LOXHD1: variants seen among roughly 807,000 people sequenced by gnomAD.
The protein encoded by LOXHD1 is lipoxygenase homology domain-containing protein 1.
In LOXHD1, 205 loss-of-function variants were observed where a neutral mutation model predicts 248.2. That is an observed-to-expected ratio of 0.83 (90% CI 0.74 to 0.93). The LOEUF is 0.93. Ranked by LOEUF, LOXHD1 falls within the 40% of genes least tolerant of loss-of-function variation. LOXHD1 has a pLI of 0.00. For synonymous variants in LOXHD1, 1,113 were observed against 1,162.8 expected, an observed-to-expected ratio of 0.96 and a Z score of 0.87; for missense variants, 2,930 against 2,971.6, an observed-to-expected ratio of 0.99 and a Z score of 0.33.
intron 10 of LOXHD1, 39 bp from the exon 11 acceptor site, chr18:46,592,623 G>A: frequency 6.7e-7 from 1 of 1,490,606 alleles, no homozygotes; most frequent in Non-Finnish European, 9.2e-7. Context: ...GGGCATAACT[G>A]AAGAAATGTG....
chr18:46,569,131 T>C (rs1299695407), intron 16 of LOXHD1, among the ~76,000 whole-genome samples: 1 of 152,142 alleles, frequency 6.6e-6, no homozygotes, highest in East Asian at 1.9e-4. Context: ...CCCAGGTACA[T>C]TGGTCTTGGA....
intron 1 of LOXHD1, among the ~76,000 whole-genome samples, chr18:46,652,866 T>G (rs1459412505): frequency 6.6e-6 from 1 of 152,130 alleles, no homozygotes; most frequent in Non-Finnish European, 1.5e-5. Flanking sequence ...AAGAACAAAC[T>G]ATATATTGTG....
At chr18:46,505,791 G>A in intron 37 of LOXHD1, 47 bp downstream of exon 37, 1 of 1,543,678 alleles carries the variant, frequency 6.5e-7, no homozygotes, top group Non-Finnish European at 8.8e-7. Flanking sequence ...CTCAGGAAGG[G>A]AGCTGAGGGC....
At chr18:46,494,557 T>C (rs1394770620) in intron 37 of LOXHD1, among the ~76,000 whole-genome samples, 2 of 152,182 alleles carry the variant, frequency 1.3e-5, no homozygotes, top group Non-Finnish European at 2.9e-5. Flanking sequence ...CTAGCTATTA[T>C]TTTTCCACAA....
At position 46,545,317 on chromosome 18, in the gene LOXHD1, C is replaced by G. The variant is rs775711191; in HGVS notation, c.3619G>C (p.Gly1207Arg). 1 of 1,549,586 alleles carries G rather than the reference C, an allele frequency of 6.5e-7. No individual in the cohort carries two copies. Among genetic ancestry groups the G allele is most frequent in the African/African-American group, 1.4e-5 (1 of 72,966 alleles). The change falls in exon 23 of 41, where the codon GGA becomes CGA. Residue 1207 changes from glycine to arginine, a missense_variant and splice_region_variant. Coordinates refer to ENST00000642948, the MANE Select transcript of LOXHD1 (RefSeq NM_001384474.1). ...TCTTGGCCCTGCACTGCTTTCTTAC[C>G]AGTGTCATCCTGTGTGCCAAAGAGT... The part of the protein sequence containing the change: ...ITLFGTQDDT[G>R]MTLLKSSKTN...
In LOXHD1 at chr18:46,569,457, G is replaced by A. The variant is rs879242426; in HGVS notation, c.2229C>T (p.Thr743=). 9 of 1,551,952 alleles carry A rather than the reference G, an allele frequency of 5.8e-6. No individual in the cohort carries two copies. The highest frequency in any genetic ancestry group is 4.8e-5 in the South Asian group (4 of 84,054). Residue 743 remains threonine, a synonymous_variant, in exon 16 of 41, where the codon ACC becomes ACT. Coordinates refer to ENST00000642948, the MANE Select transcript of LOXHD1 (RefSeq NM_001384474.1). The stretch of plus-strand genomic sequence containing the variant: ...GGAGACTTACATTTCCAATGTTCAG[G>A]GTCTCGAGGGTGAACTCATCCACCC... ...RGRVDEFTLE[T]LNIGNINRLV...
At chr18:46,654,284 AAG>A in intron 1 of LOXHD1, among the ~76,000 whole-genome samples, 1 of 152,360 alleles carries the variant, frequency 6.6e-6, no homozygotes, top group East Asian at 1.9e-4. Flanking sequence ...CCAATGGACT[AAG>A]AGAGAAATCA....
chr18:46,557,356 G>A lies in LOXHD1; in HGVS notation c.3350C>T (p.Thr1117Met), dbSNP rs80101259. 1.4e-5 allele frequency: 21 copies of A among 1,552,060 alleles called. No homozygotes were observed. Among genetic ancestry groups the A allele is most frequent in the Admixed American group, 2.0e-5 (1 of 50,974 alleles). Reference sequence around the variant, plus strand: ...CCCTGCCCACTGCCCCCACACTCACGTGATCTCGTTGTTCATGTCAGTAAT... The same window carrying A: ...CCCTGCCCACTGCCCCCACACTCACATGATCTCGTTGTTCATGTCAGTAAT... ...IDITDMNNEITYYFPCQRWLA... is the reference protein window; with the variant it reads ...IDITDMNNEIMYYFPCQRWLA... Residue 1117 changes from threonine (T) to methionine (M), a missense_variant and splice_region_variant, in exon 21 of 41, where the codon ACG (threonine) becomes ATG (methionine). Thr to Met is a moderately conservative substitution (Grantham distance 81, BLOSUM62 -1). Transcript: ENST00000642948.
intron 5 of LOXHD1, among the ~76,000 whole-genome samples, chr18:46,614,803 T>G (rs993260194): frequency 2.0e-5 from 3 of 152,318 alleles, no homozygotes; most frequent in African/African-American, 7.2e-5. Flanking sequence ...TTCTCTTAAT[T>G]TATCAGCCTG....
chr18:46,593,272 C>A (rs1297227563), intron 10 of LOXHD1, among the ~76,000 whole-genome samples: 2 of 152,200 alleles, frequency 1.3e-5, no homozygotes, highest in African/African-American at 2.4e-5. Context: ...ATTGGGCAGT[C>A]TGACACTAAG....
chr18:46,495,171 A>G (rs529646123), intron 37 of LOXHD1, among the ~76,000 whole-genome samples: 2 of 152,276 alleles, frequency 1.3e-5, no homozygotes, highest in East Asian at 3.9e-4. Context: ...TATATTTTTC[A>G]AAAGAAAACA....
At chr18:46,604,274 A>G in intron 6 of LOXHD1, 45 bp from the exon 7 acceptor site, 2 of 1,549,074 alleles carry the variant, frequency 1.3e-6, no homozygotes, top group Non-Finnish European at 1.7e-6. Flanking sequence ...AGTGTTGTTG[A>G]GGGTGCACCT....
intron 7 of LOXHD1, among the ~76,000 whole-genome samples, chr18:46,601,822 G>T (rs769872333): frequency 1.4e-4 from 21 of 152,204 alleles, no homozygotes; most frequent in Non-Finnish European, 2.9e-4. Flanking sequence ...ATTAATAGCT[G>T]CCAGATGAAT....
chr18:46,512,927 A>G (rs1054981414), intron 34 of LOXHD1, among the ~76,000 whole-genome samples: 13 of 152,206 alleles, frequency 8.5e-5, no homozygotes, highest in African/African-American at 2.9e-4. Flanking sequence ...GGAGTGAAAG[A>G]ACTAAGACAT....
chr18:46,542,511 A>G (rs1346776355), intron 24 of LOXHD1, among the ~76,000 whole-genome samples: 1 of 152,182 alleles, frequency 6.6e-6, no homozygotes, highest in Non-Finnish European at 1.5e-5. Context: ...TTTAAAAATC[A>G]CCAGTGTCCA....
intron 23 of LOXHD1, chr18:46,544,795 G>A (rs1167169431): frequency 1.5e-5 from 7 of 471,120 alleles, no homozygotes; most frequent in African/African-American, 4.0e-5. Flanking sequence ...ATGGTCAAGG[G>A]TTAGGTCCAT....
At chr18:46,623,065 T>C (rs1416287179) in intron 4 of LOXHD1, among the ~76,000 whole-genome samples, 1 of 152,192 alleles carries the variant, frequency 6.6e-6, no homozygotes, top group Non-Finnish European at 1.5e-5. Flanking sequence ...CCATTTAGTG[T>C]ATTATCTGTT....
chr18:46,644,266 A>G (rs179179), intron 2 of LOXHD1, among the ~76,000 whole-genome samples: 119,997 of 152,088 alleles, frequency 0.79, 47,397 homozygotes, highest in East Asian at 0.9. Flanking sequence ...GGGAAAAGGA[A>G]GGGAAGTATC....
chr18:46,515,960 C>T (rs2035227519), intron 34 of LOXHD1, among the ~76,000 whole-genome samples: 1 of 152,178 alleles, frequency 6.6e-6, no homozygotes, highest in Non-Finnish European at 1.5e-5. Context: ...TATGAAATCC[C>T]GATTCTGGCT....
Sources: gnomAD v4.1 joint callset for allele counts (sites outside exome capture counted in the v4.1 genomes callset) on GRCh38, gnomAD v4.1.1 for gene constraint, MANE v1.5 for transcripts, NCBI Gene and HGNC (gene_info 2026-07-23, HGNC 2026-07-21) for gene names.